The following SOX13 variants were observed in gnomAD, a reference collection of about 807,000 sequenced individuals.
SOX13 encodes transcription factor SOX-13.
Under a neutral mutation model 71.8 loss-of-function variants are expected in SOX13, and 28 were observed. That is an observed-to-expected ratio of 0.39 (90% confidence interval 0.29 to 0.53). The LOEUF is 0.53. Among genes scored for constraint, SOX13 ranks in the 20% least tolerant of loss-of-function variants. The probability of loss-of-function intolerance (pLI) is 0.70; values close to 1 mark genes in which losing one functional copy is unlikely to be tolerated. For synonymous variants in SOX13, 309 were observed against 317.8 expected, an observed-to-expected ratio of 0.97 and a Z score of 0.29; for missense variants, 627 against 810.3, an observed-to-expected ratio of 0.77 and a Z score of 2.75.
chr1:204,110,638 C>T (rs1258860428), intron 1 of SOX13, among the ~76,000 whole-genome samples: 1 of 151,896 alleles, frequency 6.6e-6, no homozygotes, highest in Non-Finnish European at 1.5e-5. Context: ...ATACAGAGGG[C>T]TGATTGTATA....
chr1:204,120,635 A>C (rs928434010), intron 7 of SOX13, among the ~76,000 whole-genome samples: 6 of 151,914 alleles, frequency 3.9e-5, no homozygotes, highest in Non-Finnish European at 8.8e-5. Context: ...CTCCATCTCT[A>C]CTTGCCCAAA....
intron 7 of SOX13, among the ~76,000 whole-genome samples, chr1:204,121,016 G>C (rs1656791797): frequency 7.3e-6 from 1 of 136,190 alleles, no homozygotes; most frequent in Admixed American, 7.7e-5. Context: ...GTCTCGCTCT[G>C]TCCCCCAGGT....
At position 204,123,824 on chromosome 1, in the gene SOX13, G is replaced by A; in HGVS notation, c.1375+20G>A. 2 of 1,613,648 alleles carry A rather than the reference G, an allele frequency of 1.2e-6. No individual in the cohort carries two copies. Among genetic ancestry groups the A allele is most frequent in the Non-Finnish European group, 8.5e-7 (1 of 1,179,708 alleles). On this transcript the variant is annotated intron_variant, in intron 12 of 13. Transcript: ENST00000367204. This position sits in a 1 kb window ranked among gnomAD's most constrained non-coding sequence, Gnocchi z 5.0. Reference sequence around the variant, plus strand: ...TCCTTGGTAAGGGCCAGTGGCTGGGGCCATGGTTCAGTGTGACCTGGTTGC... The same window carrying A: ...TCCTTGGTAAGGGCCAGTGGCTGGGACCATGGTTCAGTGTGACCTGGTTGC...
At position 204,114,266 on chromosome 1, in the gene SOX13, T is replaced by C; in HGVS notation, c.220-55T>C. On this transcript the variant is annotated intron_variant, in intron 2 of 13. Transcript: ENST00000367204. ...CATCTTTGGGGTGCCCAGCCCTCCC[T>C]GCAGCCTGTCCCCTTCTCTTGGGGG... The C allele has an allele frequency of 8.7e-6, 11 of 1,259,878 alleles. No individual in the cohort carries two copies. In the South Asian group the frequency reaches 1.5e-4, roughly 17 times the overall value. 78.0% of individuals were successfully genotyped at this position (1,259,878 alleles called of 1,614,324 possible).
chr1:204,121,830 A>G, intron 7 of SOX13, 70 bp from the exon 8 acceptor site: 1 of 1,078,486 alleles, frequency 9.3e-7, no homozygotes, highest in Non-Finnish European at 1.4e-6. Flanking sequence ...TGGTGCTGGG[A>G]CCTCGTCAAG....
chr1:204,106,260 G>A (rs551639454), intron 1 of SOX13, among the ~76,000 whole-genome samples: 9 of 152,250 alleles, frequency 5.9e-5, no homozygotes, highest in Admixed American at 2.0e-4. Context: ...TAGACCCAAG[G>A]AAGAGGCAGC....
intron 1 of SOX13, among the ~76,000 whole-genome samples, chr1:204,085,767 G>A (rs544580416): frequency 1.3e-4 from 19 of 151,768 alleles, no homozygotes; most frequent in Non-Finnish European, 2.6e-4. Flanking sequence ...GAGGTCAGGA[G>A]ATCAAGACCA....
chr1:204,074,561 G>C (rs576225896), intron 1 of SOX13, among the ~76,000 whole-genome samples: 110 of 152,286 alleles, frequency 7.2e-4, no homozygotes, highest in Non-Finnish European at 1.3e-3. Flanking sequence ...GCCGGCTCTG[G>C]CTGCTTCCCG....
chr1:204,084,122 G>A (rs1410267589), intron 1 of SOX13, among the ~76,000 whole-genome samples: 9 of 152,308 alleles, frequency 5.9e-5, no homozygotes, highest in African/African-American at 1.9e-4. Flanking sequence ...AAGACAAGGT[G>A]GCCAGGGGCT....
At chr1:204,115,708 C>G (rs1656678874) in intron 4 of SOX13, among the ~76,000 whole-genome samples, 1 of 135,468 alleles carries the variant, frequency 7.4e-6, no homozygotes, top group Non-Finnish European at 1.5e-5. Context: ...GCTCTGTTGC[C>G]CAGGCTGGAG....
chr1:204,126,399 G>C lies in SOX13; in HGVS notation c.*265G>C. Reference sequence around the variant, plus strand: ...CTCAGCCTTTAGGGCTTATGGCCAGGGGACACTGTATGACTCTCCTCTCCT... The same window carrying C: ...CTCAGCCTTTAGGGCTTATGGCCAGCGGACACTGTATGACTCTCCTCTCCT... On this transcript the variant is annotated 3_prime_UTR_variant, in exon 14 of 14. Transcript: ENST00000367204. 1 of 529,066 alleles carries C rather than the reference G, an allele frequency of 1.9e-6. No individual in the cohort carries two copies. The highest frequency in any genetic ancestry group is 2.2e-5 in the South Asian group (1 of 45,640). The allele number at this position is 529,066 out of a possible 1,614,324, so 32.8% of individuals were successfully genotyped here. A position where few individuals can be genotyped will look rare whatever the true frequency, so the allele number is the denominator to read the frequency against.
intron 1 of SOX13, among the ~76,000 whole-genome samples, chr1:204,098,869 G>T (rs928303407): frequency 3.9e-5 from 6 of 152,232 alleles, no homozygotes; most frequent in Non-Finnish European, 8.8e-5. Context: ...AGTGGCGCAG[G>T]CAGGCTCCAT....
chr1:204,116,342 C>A (rs1271825681), intron 4 of SOX13, 165 bp from the exon 5 acceptor site: 1 of 1,550,262 alleles, frequency 6.5e-7, no homozygotes, highest in Non-Finnish European at 8.7e-7. Context: ...TGAAGAGCCC[C>A]CTTCAAGGCA....
chr1:204,089,823 C>G (rs1656105107), intron 1 of SOX13, among the ~76,000 whole-genome samples: 2 of 152,246 alleles, frequency 1.3e-5, no homozygotes, highest in South Asian at 2.1e-4. Flanking sequence ...CGTCCCTTAT[C>G]TCTATCCACC....
intron 1 of SOX13, among the ~76,000 whole-genome samples, chr1:204,106,431 G>C (rs1462008088): frequency 6.6e-6 from 1 of 152,050 alleles, no homozygotes; most frequent in Admixed American, 6.6e-5. Flanking sequence ...AGCACTTACT[G>C]TGTTTCAGGC....
At chr1:204,085,481 A>G (rs1241387417) in intron 1 of SOX13, among the ~76,000 whole-genome samples, 2 of 152,180 alleles carry the variant, frequency 1.3e-5, no homozygotes, top group Non-Finnish European at 2.9e-5. Flanking sequence ...GTACAGAGGT[A>G]AACAAATAAT....
intron 1 of SOX13, among the ~76,000 whole-genome samples, chr1:204,101,546 G>C (rs1656361899): frequency 6.7e-6 from 1 of 148,504 alleles, no homozygotes; most frequent in Non-Finnish European, 1.5e-5. Context: ...AAACATACTG[G>C]TTTGGGGCTG....
At chr1:204,097,242 C>G (rs1046410913) in intron 1 of SOX13, among the ~76,000 whole-genome samples, 1 of 152,080 alleles carries the variant, frequency 6.6e-6, no homozygotes, top group African/African-American at 2.4e-5. Flanking sequence ...TCATTTCAAC[C>G]ACGGGGCATG....
intron 1 of SOX13, among the ~76,000 whole-genome samples, chr1:204,108,192 G>T (rs1229070956): frequency 6.6e-6 from 1 of 152,204 alleles, no homozygotes; most frequent in Non-Finnish European, 1.5e-5. Flanking sequence ...TTTTAATGAT[G>T]TATTTTATCT....
Sources: gnomAD v4.1 joint callset for allele counts (sites outside exome capture counted in the v4.1 genomes callset) on GRCh38, gnomAD v4.1.1 for gene constraint, Gnocchi (gnomAD v3.1) non-coding constraint, MANE v1.5 for transcripts, NCBI Gene and HGNC (gene_info 2026-07-23, HGNC 2026-07-21) for gene names.